Variants in PLEKHA4 observed in about 807,000 individuals in gnomAD.
PLEKHA4 encodes pleckstrin homology domain-containing family A member 4.
In PLEKHA4, 73 loss-of-function variants were observed where a neutral mutation model predicts 94.7. The ratio of observed to expected loss-of-function variants is 0.77; its 90% confidence interval spans 0.64 to 0.94. The LOEUF (loss-of-function observed/expected upper bound fraction) is 0.94. PLEKHA4 is among the 40% of genes least tolerant of loss of function. The pLI, the probability that PLEKHA4 is intolerant of heterozygous loss-of-function variation, is 0.00. For missense variants in PLEKHA4, 1,049 were observed against 1,054.1 expected (o/e 1.00, Z 0.07); for synonymous variants, 449 against 437.1 (o/e 1.03, Z -0.34).
chr19:48,844,415 A>T, intron 16 of PLEKHA4: 2 of 978,008 alleles, frequency 2.0e-6, no homozygotes, highest in Middle Eastern at 5.3e-4. Flanking sequence ...TCGGCCTCCC[A>T]AAGTGCTGGG....
chr19:48,865,446 C>T, intron 3 of PLEKHA4, 57 bp downstream of exon 3: 1 of 1,357,304 alleles, frequency 7.4e-7, no homozygotes, highest in Non-Finnish European at 1.0e-6. Flanking sequence ...AGGAGAGAGA[C>T]AGAGGACAGC....
At chr19:48,860,940 C>T (rs2036616469) in intron 5 of PLEKHA4, among the ~76,000 whole-genome samples, 1 of 152,154 alleles carries the variant, frequency 6.6e-6, no homozygotes, top group Non-Finnish European at 1.5e-5. Flanking sequence ...GACGCGGTGG[C>T]TCATGCCTGT....
Position 48,845,559 on chromosome 19 carries a change from G to GC in PLEKHA4, c.1623dup (p.Arg542AlafsTer28). On this transcript the variant is annotated frameshift_variant, in exon 15 of 20. Transcript: ENST00000263265. LOFTEE classifies it high-confidence loss of function. ...AGGTCTTTGTCGCCTCCAGGAGGCC[G>GC]CCCCCAGTCAGTCTCGGGGGACCTA... The GC allele has an allele frequency of 6.2e-7, 1 of 1,610,740 alleles. No homozygotes were observed. The highest frequency in any genetic ancestry group is 1.7e-5 in the Admixed American group (1 of 59,644).
intron 13 of PLEKHA4, among the ~76,000 whole-genome samples, chr19:48,848,598 G>A (rs1266751569): frequency 6.6e-6 from 1 of 151,594 alleles, no homozygotes; most frequent in Non-Finnish European, 1.5e-5. Context: ...TTCAAGACCA[G>A]CCTGGCCAAC....
At chr19:48,861,561 A>G (rs1331510300) in intron 4 of PLEKHA4, 59 bp downstream of exon 4, 7 of 1,612,424 alleles carry the variant, frequency 4.3e-6, no homozygotes, top group East Asian at 2.2e-5. Context: ...GATGCTAGAG[A>G]GAAGGGCAGA....
chr19:48,863,505 G>A lies in PLEKHA4; in HGVS notation c.193-1813C>T, dbSNP rs143412695. Among the ~76,000 whole-genome samples, 1,317 of 149,418 alleles carry A rather than the reference G, an allele frequency of 8.8e-3. 21 individuals are homozygous for A. Among genetic ancestry groups the A allele is most frequent in the African/African-American group, 0.03 (1,228 of 40,476 alleles). On this transcript the variant is annotated intron_variant, in intron 3 of 19. Coordinates refer to ENST00000263265, the MANE Select transcript of PLEKHA4 (RefSeq NM_020904.3). ...GAGTGCAGTGGCATGATCTTGGCTC[G>A]CTGCAAGCTCCACCTCCTGGGTTCA...
At chr19:48,861,197 G>C (rs1182969403) in intron 5 of PLEKHA4, among the ~76,000 whole-genome samples, 1 of 152,208 alleles carries the variant, frequency 6.6e-6, no homozygotes, top group African/African-American at 2.4e-5. Flanking sequence ...GACAGAGAGA[G>C]ACTCTGTCTC....
rs397859722 is a variant in PLEKHA4 at position 48,854,696 on chromosome 19, CTTTTTTTTTTTTTTTT to C, written c.1048-448_1048-433del. ...CATGCACCATCATATCATGCCTGGC[CTTTTTTTTTTTTTTTT>C]TTTTTTTTTTTGAGTCAAGGTCTGT... is the stretch of plus-strand genomic sequence containing the variant. On this transcript the variant is annotated intron_variant, in intron 9 of 19. Transcript: ENST00000263265. Among the ~76,000 whole-genome samples, 74 of 81,364 alleles carry C rather than the reference CTTTTTTTTTTTTTTTT, an allele frequency of 9.1e-4. 1 individual carries two copies. The highest frequency in any genetic ancestry group is 1.1e-3 in the Non-Finnish European group (51 of 44,410). 53.4% of individuals were successfully genotyped at this position (81,364 alleles called of 152,430 possible). A position where few individuals can be genotyped will look rare whatever the true frequency, so the allele number is the denominator to read the frequency against.
At position 48,848,558 on chromosome 19, in the gene PLEKHA4, C is replaced by T. The variant is rs1048662636; in HGVS notation, c.1426-518G>A. On this transcript the variant is annotated intron_variant, in intron 13 of 19. Transcript: ENST00000263265. ...CTGTAATCCCAGCATTTTGGGAAGCCGAGGCGGGTGGATCACCAGAGGTCA... is the reference window on the plus strand; with the variant it reads ...CTGTAATCCCAGCATTTTGGGAAGCTGAGGCGGGTGGATCACCAGAGGTCA... Among the ~76,000 whole-genome samples the T allele has an allele frequency of 4.6e-5, 7 of 150,890 alleles. No individual in the cohort carries two copies. The East Asian group carries it at 7.8e-4, about 17-fold the overall frequency.
In PLEKHA4 at chr19:48,859,079, G is replaced by T; in HGVS notation, c.753C>A (p.Ala251=). 2 of 1,470,504 alleles carry T rather than the reference G, an allele frequency of 1.4e-6. No individual in the cohort carries two copies. Among genetic ancestry groups the T allele is most frequent in the Non-Finnish European group, 1.8e-6 (2 of 1,100,946 alleles). 91.1% of individuals were successfully genotyped at this position (1,470,504 alleles called of 1,614,324 possible). Residue 251 remains alanine (A), a synonymous_variant, in exon 8 of 20, where the codon GCC becomes GCA. Transcript: ENST00000263265. ...AGGGGGCAGGGGGTCGCCGCGCAGG[G>T]GCAGAACGGGGACGGGGGAGGCTCA... ...SPLSLPRPRS[A]PARRPPAPSG... is the part of the protein sequence containing the mutation.
At position 48,854,241 on chromosome 19, in the gene PLEKHA4, A is replaced by C. The variant is rs770596104; in HGVS notation, c.1071T>G (p.Thr357=). Reference sequence around the variant, plus strand: ...CATCTGTCTCCAAGCTTTGGTGGAAAGTTGACTCCAGGGGAGGACCCGGCT... The same window carrying C: ...CATCTGTCTCCAAGCTTTGGTGGAACGTTGACTCCAGGGGAGGACCCGGCT... ...VLLPGPPLES[T]FHQSLETDTL... The change falls in exon 10 of 20, where the codon ACT becomes ACG. Residue 357 remains threonine (T), a synonymous_variant. Coordinates refer to ENST00000263265, the MANE Select transcript of PLEKHA4 (RefSeq NM_020904.3). The C allele has an allele frequency of 6.2e-7, 1 of 1,614,034 alleles. No individual in the cohort carries two copies. The highest frequency in any genetic ancestry group is 8.5e-7 in the Non-Finnish European group (1 of 1,180,020).
At chr19:48,840,930 G>A (rs1179030560) in intron 17 of PLEKHA4, among the ~76,000 whole-genome samples, 1 of 126,624 alleles carries the variant, frequency 7.9e-6, no homozygotes, top group African/African-American at 3.0e-5. Flanking sequence ...TGTGACCCCC[G>A]CCCCCACCCA....
chr19:48,859,657 G>C lies in PLEKHA4; in HGVS notation c.504C>G (p.Pro168=), dbSNP rs1338688945. 6.2e-7 allele frequency: 1 copy of C among 1,612,044 alleles called. No individual in the cohort carries two copies. Among genetic ancestry groups the C allele is most frequent in the African/African-American group, 1.3e-5 (1 of 74,910 alleles). ...DYGQPRSPAR[P]QPGEGPGGPG... ...GGCCGCCGGGGCCCTCCCCGGGCTG[G>C]GGTCGTGCAGGTGACCTGGGTTGCC... Residue 168 remains proline, a synonymous_variant, in exon 7 of 20, where the codon CCC becomes CCG. Coordinates refer to ENST00000263265, the MANE Select transcript of PLEKHA4 (RefSeq NM_020904.3).
intron 16 of PLEKHA4, among the ~76,000 whole-genome samples, chr19:48,842,243 C>T (rs1301789996): frequency 6.7e-6 from 1 of 148,238 alleles, no homozygotes; most frequent in African/African-American, 2.5e-5. Flanking sequence ...CTCCTGGGTT[C>T]AAGCACTTCT....
Position 48,867,393 on chromosome 19 carries a change from T to C in PLEKHA4, c.84+144A>G. ...TGCCTCTGAATTCCTAGCTGCGGTG[T>C]GTAGGCAATTTGGGACCTTACTATG... On this transcript the variant is annotated intron_variant, in intron 2 of 19. Transcript: ENST00000263265. This position sits in a 1 kb window ranked among gnomAD's most constrained non-coding sequence, Gnocchi z 4.7. The C allele has an allele frequency of 1.2e-6, 1 of 862,858 alleles. No individual in the cohort carries two copies. The allele number at this position is 862,858 out of a possible 1,614,324, so 53.5% of individuals were successfully genotyped here.
In PLEKHA4 at chr19:48,852,623, A is replaced by G. The variant is rs142748389; in HGVS notation, c.1327-297T>C. Among the ~76,000 whole-genome samples, 27 of 152,218 alleles carry G rather than the reference A, an allele frequency of 1.8e-4. No homozygotes were observed. The East Asian group carries it at 5.0e-3, about 28-fold the overall frequency. ...AGAGTCTACAGATCTAATGAATTTC[A>G]TTAGACAGTTAAAAGACCACAGCAC... is the stretch of plus-strand genomic sequence containing the variant. On this transcript the variant is annotated intron_variant, in intron 12 of 19. Transcript: ENST00000263265.
rs530331417 is a variant in PLEKHA4, at chr19:48,842,439, G to A, written c.1744-1129C>T. Among the ~76,000 whole-genome samples, 57 of 152,212 alleles carry A rather than the reference G, an allele frequency of 3.7e-4. No homozygotes were observed. In the Middle Eastern group the frequency reaches 0.01, roughly 27 times the overall value. ...GCTGGGATTACAGGCGTGAGCCACC[G>A]CGCCCAGCCAATGTTGTTAATTTCT... is the stretch of plus-strand genomic sequence containing the variant. On this transcript the variant is annotated intron_variant, in intron 16 of 19. Coordinates refer to ENST00000263265, the MANE Select transcript of PLEKHA4 (RefSeq NM_020904.3).
chr19:48,853,109 C>T (rs1184118432), intron 12 of PLEKHA4, among the ~76,000 whole-genome samples: 2 of 152,184 alleles, frequency 1.3e-5, no homozygotes, highest in African/African-American at 2.4e-5. Context: ...CTCCATTTTA[C>T]AGATAATAAT....
chr19:48,859,592 C>A lies in PLEKHA4; in HGVS notation c.569G>T (p.Arg190Leu). ...AGTCACTTCCGGTGATTCTGAGATG[C>A]GCCCCTCTTCCCCTCTGCTCACCTC... is the stretch of plus-strand genomic sequence containing the variant. The part of the protein sequence containing the change: ...PPEVSRGEEG[R>L]ISESPEVTRL... Residue 190 changes from arginine to leucine, a missense_variant, in exon 7 of 20, where the codon CGC (arginine) becomes CTC (leucine). Arg to Leu is a moderately radical substitution (Grantham distance 102). Coordinates refer to ENST00000263265, the MANE Select transcript of PLEKHA4 (RefSeq NM_020904.3). 1 of 1,613,742 alleles carries A rather than the reference C, an allele frequency of 6.2e-7. No homozygotes were observed. The highest frequency in any genetic ancestry group is 8.5e-7 in the Non-Finnish European group (1 of 1,179,932).
Sources: gnomAD v4.1 joint callset for allele counts (sites outside exome capture counted in the v4.1 genomes callset) on GRCh38, gnomAD v4.1.1 for gene constraint, Gnocchi (gnomAD v3.1) non-coding constraint, MANE v1.5 for transcripts, NCBI Gene and HGNC (gene_info 2026-07-23, HGNC 2026-07-21) for gene names.